The following FAM110B variants were observed in gnomAD, a reference collection of about 807,000 sequenced individuals.
FAM110B encodes protein FAM110B.
FAM110B carries 6 observed loss-of-function variants against 20.4 expected under a neutral mutation model. The observed-to-expected ratio is 0.29, with a 90% confidence interval of 0.16 to 0.58. The LOEUF (loss-of-function observed/expected upper bound fraction) is 0.58. Ranked by LOEUF, FAM110B falls within the 20% of genes least tolerant of loss-of-function variation. The probability of loss-of-function intolerance (pLI) is 0.90; values close to 1 mark genes in which losing one functional copy is unlikely to be tolerated. For missense variants in FAM110B, 434 were observed against 498.2 expected (o/e 0.87, Z 1.23); for synonymous variants, 226 against 214.1 (o/e 1.06, Z -0.49).
intron 3 of FAM110B, among the ~76,000 whole-genome samples, chr8:58,106,661 A>G (rs958018676): frequency 4.6e-5 from 7 of 152,222 alleles, no homozygotes; most frequent in African/African-American, 1.7e-4. Flanking sequence ...TATCATCAAA[A>G]AGCTTTACAT....
chr8:58,035,651 G>C (rs1321681730), intron 2 of FAM110B, among the ~76,000 whole-genome samples: 1 of 152,182 alleles, frequency 6.6e-6, no homozygotes, highest in African/African-American at 2.4e-5. Flanking sequence ...TGAAAATGCA[G>C]CAAAGGAATT....
rs760186756 is a variant in FAM110B at position 58,146,635 on chromosome 8, G to A, written c.405G>A (p.Ser135=). The A allele has an allele frequency of 2.5e-6, 4 of 1,613,622 alleles. No individual in the cohort carries two copies. The highest frequency in any genetic ancestry group is 3.4e-6 in the Non-Finnish European group (4 of 1,179,814). Residue 135 remains serine, a synonymous_variant, in exon 4 of 4, where the codon TCG becomes TCA. Coordinates refer to ENST00000519262, the MANE Select transcript of FAM110B (RefSeq NM_001377989.1). The part of the protein sequence containing the change: ...INSSEGSSSG[S]GHKHSSRNWP... ...GCTCCGAGGGCTCTAGCTCGGGCTC[G>A]GGGCACAAGCACAGCTCCCGCAACT...
chr8:58,050,669 G>A (rs1805420588), intron 2 of FAM110B, among the ~76,000 whole-genome samples: 1 of 152,114 alleles, frequency 6.6e-6, no homozygotes, highest in Non-Finnish European at 1.5e-5. Flanking sequence ...AAATCTCTTT[G>A]GATTCTTTTC....
At chr8:58,128,265 G>A (rs1006856370) in intron 3 of FAM110B, among the ~76,000 whole-genome samples, 23 of 152,300 alleles carry the variant, frequency 1.5e-4, no homozygotes, top group African/African-American at 5.3e-4. Flanking sequence ...AGGGAAGCAG[G>A]ATTCAGACTA....
At chr8:58,006,923 A>ATATATATATATATTTTTTTTT in intron 1 of FAM110B, among the ~76,000 whole-genome samples, 2 of 126,518 alleles carry the variant, frequency 1.6e-5, no homozygotes, top group African/African-American at 3.0e-5. Context: ...ATATATATAT[A>ATATATATATATATTTTTTTTT]TTTTTCCAAA....
At chr8:58,016,984 G>C (rs551994391) in intron 1 of FAM110B, among the ~76,000 whole-genome samples, 1 of 152,324 alleles carries the variant, frequency 6.6e-6, no homozygotes, top group African/African-American at 2.4e-5. Context: ...CAGACTTAGT[G>C]AACAGACTGA....
chr8:58,030,543 G>C (rs930450714), intron 1 of FAM110B, among the ~76,000 whole-genome samples: 2 of 146,374 alleles, frequency 1.4e-5, no homozygotes, highest in South Asian at 4.4e-4. Flanking sequence ...TGCTGAGGAC[G>C]CTGGCATAGA....
At chr8:58,116,104 A>G (rs147162860) in intron 3 of FAM110B, among the ~76,000 whole-genome samples, 2 of 152,332 alleles carry the variant, frequency 1.3e-5, no homozygotes, top group East Asian at 1.9e-4. Flanking sequence ...ACATACATAC[A>G]TGCATGCATG....
At chr8:58,098,240 C>T (rs1380852203) in intron 3 of FAM110B, among the ~76,000 whole-genome samples, 2 of 152,240 alleles carry the variant, frequency 1.3e-5, no homozygotes, top group African/African-American at 2.4e-5. Context: ...AGATGCCCTG[C>T]CCAGAGAGGA....
intron 3 of FAM110B, chr8:58,099,240 C>A (rs528670589): frequency 1.8e-4 from 27 of 152,110 alleles, no homozygotes; most frequent in African/African-American, 6.5e-4. Flanking sequence ...GGTTGAGCAT[C>A]CCCAATCTGA....
chr8:58,099,763 T>C (rs1806732080), intron 3 of FAM110B, among the ~76,000 whole-genome samples: 1 of 152,104 alleles, frequency 6.6e-6, no homozygotes, highest in South Asian at 2.1e-4. Context: ...ATCTCACCTA[T>C]GTCTTTTTTA....
chr8:58,052,617 G>A (rs1347883475), intron 2 of FAM110B, among the ~76,000 whole-genome samples: 6 of 151,860 alleles, frequency 4.0e-5, no homozygotes, highest in Admixed American at 1.3e-4. Context: ...AAATTACTAC[G>A]GAGGAACACA....
At chr8:58,015,542 G>A (rs772655579) in intron 1 of FAM110B, among the ~76,000 whole-genome samples, 73 of 151,990 alleles carry the variant, frequency 4.8e-4, no homozygotes, top group Admixed American at 1.6e-3. Context: ...TAACTAAAAC[G>A]TGTTCTTGAA....
rs78541379 is a variant in FAM110B at position 58,130,291 on chromosome 8, G to A, written c.-324-15616G>A. 2.6e-3 allele frequency among the ~76,000 whole-genome samples: 401 copies of A among 152,232 alleles called. 4 individuals are homozygous for A. Among genetic ancestry groups the A allele is most frequent in the African/African-American group, 8.9e-3 (368 of 41,522 alleles). ...CATCTGATAATGTTTTCTCCAGTTC[G>A]TTAAAAAGAACAGTAGCTAACATAT... On this transcript the variant is annotated intron_variant, in intron 3 of 3. Coordinates refer to ENST00000519262, the MANE Select transcript of FAM110B (RefSeq NM_001377989.1).
chr8:58,033,414 C>T (rs1253484396), intron 2 of FAM110B, among the ~76,000 whole-genome samples: 10 of 152,176 alleles, frequency 6.6e-5, no homozygotes, highest in Admixed American at 2.6e-4. Flanking sequence ...CAGTTATACA[C>T]CCAATAATGG....
At chr8:58,016,366 G>A (rs994869826) in intron 1 of FAM110B, among the ~76,000 whole-genome samples, 11 of 152,112 alleles carry the variant, frequency 7.2e-5, no homozygotes, top group Non-Finnish European at 4.4e-5. Context: ...TTCTGGCTTG[G>A]GCCTCCCGGG....
rs1383131677 is a variant in FAM110B, at chr8:58,147,556, T to C, written c.*213T>C. The C allele has an allele frequency of 1.7e-6, 1 of 601,816 alleles. No individual in the cohort carries two copies. Among genetic ancestry groups the C allele is most frequent in the African/African-American group, 1.9e-5 (1 of 53,840 alleles). The allele number at this position is 601,816 out of a possible 1,614,324, so 37.3% of individuals were successfully genotyped here. A position where few individuals can be genotyped will look rare whatever the true frequency, so the allele number is the denominator to read the frequency against. On this transcript the variant is annotated 3_prime_UTR_variant, in exon 4 of 4. Transcript: ENST00000519262. Reference sequence around the variant, plus strand: ...CTGAACACGCGTCATCTGCCAAAAGTTTCAGGCCAGAATCTAATTAGGGCT... The same window carrying C: ...CTGAACACGCGTCATCTGCCAAAAGCTTCAGGCCAGAATCTAATTAGGGCT...
At chr8:58,124,725 A>G (rs1194617996) in intron 3 of FAM110B, among the ~76,000 whole-genome samples, 1 of 152,182 alleles carries the variant, frequency 6.6e-6, no homozygotes, top group Non-Finnish European at 1.5e-5. Flanking sequence ...GTTGTTTTCA[A>G]AACTTTTCCC....
intron 3 of FAM110B, among the ~76,000 whole-genome samples, chr8:58,135,155 A>C (rs1803580013): frequency 6.6e-6 from 1 of 152,236 alleles, no homozygotes; most frequent in Admixed American, 6.5e-5. Flanking sequence ...TGAACATCTT[A>C]GACATCCTCT....
Sources: allele counts gnomAD v4.1 joint callset (sites outside exome capture counted in the v4.1 genomes callset), GRCh38; gene constraint gnomAD v4.1.1; transcripts MANE v1.5; gene names NCBI Gene and HGNC (gene_info 2026-07-23, HGNC 2026-07-21).